The following COG4 variants were observed in gnomAD, a reference collection of about 807,000 sequenced individuals.
COG4 encodes the protein component of oligomeric golgi complex 4, also known as conserved oligomeric Golgi complex subunit 4.
A neutral mutation model predicts 95.1 loss-of-function variants in COG4; 65 were observed. The observed-to-expected ratio is 0.68, with a 90% CI of 0.56 to 0.84. The LOEUF is 0.84. Ranked by LOEUF, COG4 falls within the 40% of genes least tolerant of loss-of-function variation. COG4 has a pLI of 0.00. For synonymous variants in COG4, 421 were observed against 374.8 expected, an observed-to-expected ratio of 1.12 and a Z score of -1.42; for missense variants, 1,045 against 989.1, an observed-to-expected ratio of 1.06 and a Z score of -0.76.
chr16:70,494,583 T>C (rs1439979007), intron 12 of COG4, among the ~76,000 whole-genome samples: 1 of 152,168 alleles, frequency 6.6e-6, no homozygotes, highest in Non-Finnish European at 1.5e-5. Flanking sequence ...GAATATGCAC[T>C]GGCCGGTTTT....
chr16:70,487,136 C>T (rs2049154110), intron 13 of COG4, among the ~76,000 whole-genome samples: 1 of 151,200 alleles, frequency 6.6e-6, no homozygotes, highest in South Asian at 2.1e-4. Context: ...ACTAAAAATA[C>T]AAAAATCAGC....
Position 70,523,395 on chromosome 16 carries a change from T to A in COG4, c.149A>T (p.Tyr50Phe). ...LTELQELEAV[Y>F]ERLCGEEKVV... ...CACCTCCTCGCCGCAGAGCCGTTCG[T>A]ATACAGCCTCCAGCTCCTGCAGCTC... Residue 50 changes from tyrosine (Y) to phenylalanine (F), a missense_variant, in exon 1 of 19, where the codon TAC becomes TTC. By Grantham distance (22) the Tyr-to-Phe change is conservative (BLOSUM62 3). Coordinates refer to ENST00000323786, the MANE Select transcript of COG4 (RefSeq NM_015386.3). The A allele has an allele frequency of 1.2e-6, 2 of 1,614,182 alleles. No homozygotes were observed. Among genetic ancestry groups the A allele is most frequent in the South Asian group, 1.1e-5 (1 of 91,086 alleles).
Position 70,481,089 on chromosome 16 carries a change from A to AG in COG4, c.2290dup (p.Leu764ProfsTer5). On this transcript the variant is annotated frameshift_variant, in exon 19 of 19. Transcript: ENST00000323786. LOFTEE classifies it high-confidence loss of function. ...CACCTGGCGCACTTCAGCAGGGGTG[A>AG]GGCGCCACGTCAATGGGCCGGAATT... 1.9e-6 allele frequency: 3 copies of AG among 1,613,402 alleles called. No homozygotes were observed. The highest frequency in any genetic ancestry group is 2.5e-6 in the Non-Finnish European group (3 of 1,180,000).
chr16:70,512,512 C>A (rs2049730497), intron 4 of COG4, 80 bp from the exon 5 acceptor site: 6 of 1,178,506 alleles, frequency 5.1e-6, no homozygotes, highest in Middle Eastern at 4.4e-4. Context: ...TAATACTATT[C>A]ATCCAGCAAA....
intron 8 of COG4, among the ~76,000 whole-genome samples, chr16:70,501,818 ATTTTTTT>A (rs746516643): frequency 7.3e-6 from 1 of 136,280 alleles, no homozygotes; most frequent in South Asian, 2.3e-4. Flanking sequence ...CACCTGGCAG[ATTTTTTT>A]TTTTTTTTTC....
At chr16:70,500,365 CTTTTTTTTTT>C (rs68141616) in intron 9 of COG4, among the ~76,000 whole-genome samples, 1 of 96,174 alleles carries the variant, frequency 1.0e-5, no homozygotes, top group African/African-American at 5.0e-5. Context: ...ATTATATACT[CTTTTTTTTTT>C]TTTTTTTTTT....
chr16:70,488,249 T>C (rs2049177074), intron 13 of COG4, among the ~76,000 whole-genome samples: 1 of 152,018 alleles, frequency 6.6e-6, no homozygotes, highest in South Asian at 2.1e-4. Flanking sequence ...TTCTCCTGCC[T>C]CAGCCTCCTG....
chr16:70,523,245 C>T (rs2049991609), intron 1 of COG4, 128 bp downstream of exon 1: 1 of 1,165,278 alleles, frequency 8.6e-7, no homozygotes, highest in African/African-American at 1.5e-5. Flanking sequence ...CGACTAGCTT[C>T]CGCTTCTTTG....
At position 70,514,437 on chromosome 16, in the gene COG4, T is replaced by A. The variant is rs1272183179; in HGVS notation, c.442A>T (p.Thr148Ser). ...TCATAATCTTCACTCCTCAAAGCAG[T>A]CTGAACTCCATCCATGCAGAACTTC... ...DLKFCMDGVQ[T>S]ALRSEDYEQA... is the part of the protein sequence containing the mutation. The change falls in exon 4 of 19, where the codon ACT (threonine) becomes TCT (serine). Residue 148 changes from threonine to serine, a missense_variant. Transcript: ENST00000323786. The A allele has an allele frequency of 1.9e-6, 3 of 1,613,936 alleles. No homozygotes were observed. Among genetic ancestry groups the A allele is most frequent in the South Asian group, 2.2e-5 (2 of 91,074 alleles).
chr16:70,481,735 G>A (rs766809534), intron 17 of COG4, 29 bp downstream of exon 17: 2 of 1,582,018 alleles, frequency 1.3e-6, no homozygotes, highest in Non-Finnish European at 1.7e-6. Flanking sequence ...AGAAACGAGA[G>A]CCGCAGACCC....
Position 70,480,581 on chromosome 16 carries a change from G to A in COG4, c.*429C>T, listed in dbSNP as rs921752336. 6 of 252,466 alleles carry A rather than the reference G, an allele frequency of 2.4e-5. No individual in the cohort carries two copies. The South Asian group carries it at 2.9e-4, about 12-fold the overall frequency. The allele number at this position is 252,466 out of a possible 1,614,324, so 15.6% of individuals were successfully genotyped here. On this transcript the variant is annotated 3_prime_UTR_variant, in exon 19 of 19. Transcript: ENST00000323786. ...CAGCACACTGGCATCTCTCCAAGGAGTAGCTTTATTCAGGGATCATAAACA... is the reference window on the plus strand; with the variant it reads ...CAGCACACTGGCATCTCTCCAAGGAATAGCTTTATTCAGGGATCATAAACA...
intron 11 of COG4, among the ~76,000 whole-genome samples, chr16:70,496,660 T>G (rs914584496): frequency 5.9e-5 from 9 of 152,324 alleles, no homozygotes; most frequent in African/African-American, 1.9e-4. Context: ...GGCCAATCTC[T>G]ACTGTTCATG....
intron 13 of COG4, among the ~76,000 whole-genome samples, chr16:70,488,250 C>T (rs1044344394): frequency 5.3e-5 from 8 of 151,996 alleles, no homozygotes; most frequent in African/African-American, 1.7e-4. Context: ...TCTCCTGCCT[C>T]AGCCTCCTGA....
intron 1 of COG4, among the ~76,000 whole-genome samples, chr16:70,520,374 TGGGGGGGG>T (rs61397425): frequency 4.0e-3 from 9 of 2,248 alleles, no homozygotes; most frequent in Non-Finnish European, 9.1e-3. Context: ...ACCCGGGGGG[TGGGGGGGG>T]GGGGGGGCGG....
intron 13 of COG4, among the ~76,000 whole-genome samples, chr16:70,487,997 G>T (rs889861095): frequency 6.6e-6 from 1 of 151,844 alleles, no homozygotes; most frequent in African/African-American, 2.4e-5. Context: ...GCTAATTTTT[G>T]TATTTTTAGT....
At position 70,500,849 on chromosome 16, in the gene COG4, G is replaced by A; in HGVS notation, c.1195+109C>T. 2.2e-6 allele frequency: 3 copies of A among 1,348,284 alleles called. No homozygotes were observed. In the South Asian group the frequency reaches 3.5e-5, roughly 16 times the overall value. The allele number at this position is 1,348,284 out of a possible 1,614,324, so 83.5% of individuals were successfully genotyped here. A position where few individuals can be genotyped will look rare whatever the true frequency, so the allele number is the denominator to read the frequency against. ...GTCAATTTGCCTACAGACCACCAGG[G>A]GCTAATAAGTTCCAATTGTTTCCTT... is the stretch of plus-strand genomic sequence containing the variant. On this transcript the variant is annotated intron_variant, in intron 9 of 18. Coordinates refer to ENST00000323786, the MANE Select transcript of COG4 (RefSeq NM_015386.3).
intron 8 of COG4, among the ~76,000 whole-genome samples, chr16:70,507,015 G>C (rs1225433339): frequency 3.3e-5 from 5 of 151,910 alleles, no homozygotes; most frequent in African/African-American, 1.2e-4. Context: ...CCAGGAGTTC[G>C]AGACCAGCCT....
At chr16:70,497,443 G>C in intron 10 of COG4, 56 bp from the exon 11 acceptor site, 1 of 1,559,868 alleles carries the variant, frequency 6.4e-7, no homozygotes, top group Non-Finnish European at 8.8e-7. Context: ...TCATGTTCTA[G>C]ATGATTCTGG....
intron 8 of COG4, among the ~76,000 whole-genome samples, chr16:70,504,794 C>T (rs1180116689): frequency 2.6e-5 from 4 of 151,094 alleles, no homozygotes; most frequent in African/African-American, 9.8e-5. Flanking sequence ...GCCTGTAATC[C>T]CAGCTACTTG....
Sources: allele counts gnomAD v4.1 joint callset (sites outside exome capture counted in the v4.1 genomes callset), GRCh38; gene constraint gnomAD v4.1.1; transcripts MANE v1.5; gene names NCBI Gene and HGNC (gene_info 2026-07-23, HGNC 2026-07-21).